The following PTPN14 variants were observed in gnomAD, a reference collection of about 807,000 sequenced individuals.
PTPN14 encodes the protein tyrosine-protein phosphatase non-receptor type 14.
PTPN14 carries 53 observed loss-of-function variants against 126.8 expected under a neutral mutation model. The ratio of observed to expected loss-of-function variants is 0.42; its 90% CI spans 0.34 to 0.53. The LOEUF (loss-of-function observed/expected upper bound fraction) is 0.53, where lower values mean the gene tolerates loss of function less well. PTPN14 is among the 20% of genes least tolerant of loss of function. The pLI is 0.08. For missense variants in PTPN14, 1,257 were observed against 1,552.9 expected, an observed-to-expected ratio of 0.81 and a Z score of 3.20; for synonymous variants, 630 against 599.3, an observed-to-expected ratio of 1.05 and a Z score of -0.75.
intron 1 of PTPN14, among the ~76,000 whole-genome samples, chr1:214,477,597 T>A (rs1660895048): frequency 6.6e-6 from 1 of 152,228 alleles, no homozygotes; most frequent in Admixed American, 6.5e-5. Context: ...CCTGTTACCA[T>A]CGGTGACCTC....
At chr1:214,411,870 T>C (rs1424586681) in intron 4 of PTPN14, 119 bp from the exon 5 acceptor site, 3 of 531,954 alleles carry the variant, frequency 5.6e-6, no homozygotes, top group African/African-American at 4.0e-5. Flanking sequence ...TCACTATTAT[T>C]AAATAAAAAT....
intron 1 of PTPN14, among the ~76,000 whole-genome samples, chr1:214,510,017 TG>T (rs1422641239): frequency 6.6e-6 from 1 of 152,214 alleles, no homozygotes; most frequent in Non-Finnish European, 1.5e-5. Context: ...TGGCTTTCAA[TG>T]TCTCCCTCAC....
At chr1:214,532,873 T>A in intron 1 of PTPN14, 2 of 1,047,570 alleles carry the variant, frequency 1.9e-6, no homozygotes, top group Non-Finnish European at 2.9e-6. Context: ...CAGCTCTGGG[T>A]TGACCATGGA....
intron 1 of PTPN14, among the ~76,000 whole-genome samples, chr1:214,507,495 C>G (rs542016689): frequency 1.3e-5 from 2 of 152,198 alleles, no homozygotes; most frequent in Non-Finnish European, 2.9e-5. Flanking sequence ...CCTAGAAGAA[C>G]ACTTTCAAGA....
rs1660596590 is a variant in PTPN14 at position 214,464,923 on chromosome 1, G to C, written c.-120C>G. ...CTGTGCTCCTCCAGGCAGGGAAAAG[G>C]GTGTCCATGCCCAGTGTGGCCCTCT... On this transcript the variant is annotated 5_prime_UTR_variant, in exon 2 of 19. Coordinates refer to ENST00000366956, the MANE Select transcript of PTPN14 (RefSeq NM_005401.5). The C allele has an allele frequency of 2.4e-6, 3 of 1,272,296 alleles. No individual in the cohort carries two copies. The highest frequency in any genetic ancestry group is 2.5e-5 in the East Asian group (1 of 39,950). The allele number at this position is 1,272,296 out of a possible 1,614,324, so 78.8% of individuals were successfully genotyped here.
chr1:214,483,549 T>A (rs191929215), intron 1 of PTPN14, among the ~76,000 whole-genome samples: 3 of 152,346 alleles, frequency 2.0e-5, no homozygotes, highest in Admixed American at 6.5e-5. Flanking sequence ...ACTCTACTGC[T>A]ATTTTTATAC....
chr1:214,367,437 C>A (rs192437728), intron 17 of PTPN14, among the ~76,000 whole-genome samples: 1 of 152,174 alleles, frequency 6.6e-6, no homozygotes, highest in African/African-American at 2.4e-5. Context: ...AAGTACACAT[C>A]GGAATATTTA....
At chr1:214,434,597 GTTAA>G (rs1156643565) in intron 3 of PTPN14, among the ~76,000 whole-genome samples, 2 of 152,138 alleles carry the variant, frequency 1.3e-5, no homozygotes, top group Non-Finnish European at 2.9e-5. Flanking sequence ...ATATTTTGTG[GTTAA>G]TTTTTAATAT....
chr1:214,380,150 T>G (rs1475547664), intron 13 of PTPN14, among the ~76,000 whole-genome samples: 1 of 152,196 alleles, frequency 6.6e-6, no homozygotes, highest in African/African-American at 2.4e-5. Context: ...TTCTTTTTTT[T>G]TATTTCTGCC....
At chr1:214,524,363 T>G (rs1655337025) in intron 1 of PTPN14, among the ~76,000 whole-genome samples, 1 of 151,810 alleles carries the variant, frequency 6.6e-6, no homozygotes, top group Non-Finnish European at 1.5e-5. Context: ...GCAGTAAAAG[T>G]GAAGAGGGCT....
chr1:214,484,613 T>C (rs1381817242), intron 1 of PTPN14, among the ~76,000 whole-genome samples: 1 of 152,066 alleles, frequency 6.6e-6, no homozygotes, highest in Non-Finnish European at 1.5e-5. Flanking sequence ...AACATATAAA[T>C]ACAGAAGGTA....
At chr1:214,415,608 T>C (rs758282935) in intron 3 of PTPN14, among the ~76,000 whole-genome samples, 3 of 152,222 alleles carry the variant, frequency 2.0e-5, no homozygotes, top group Non-Finnish European at 2.9e-5. Context: ...AGGGAACCCA[T>C]AAGTGAACCA....
intron 2 of PTPN14, among the ~76,000 whole-genome samples, chr1:214,457,521 G>A (rs1660410381): frequency 1.3e-5 from 2 of 152,100 alleles, no homozygotes; most frequent in Admixed American, 1.3e-4. Flanking sequence ...CACTTGTTAA[G>A]TTAAAAGTAG....
At chr1:214,474,009 T>C (rs936683940) in intron 1 of PTPN14, among the ~76,000 whole-genome samples, 1 of 152,214 alleles carries the variant, frequency 6.6e-6, no homozygotes, top group African/African-American at 2.4e-5. Flanking sequence ...CATTTTAAGA[T>C]TCCATTATTT....
chr1:214,544,872 G>A (rs72759634), intron 1 of PTPN14, among the ~76,000 whole-genome samples: 8,876 of 152,060 alleles, frequency 0.058, 345 homozygotes, highest in Middle Eastern at 0.12. Context: ...AAAAAGAGGA[G>A]GGAAGGGGAG....
At position 214,354,905 on chromosome 1, in the gene PTPN14, T is replaced by C. The variant is rs546890575; in HGVS notation, c.*3017A>G. 6.6e-6 allele frequency: 1 copy of C among 152,350 alleles called. No individual in the cohort carries two copies. The highest frequency in any genetic ancestry group is 1.5e-5 in the Non-Finnish European group (1 of 68,022). 9.4% of individuals were successfully genotyped at this position (152,350 alleles called of 1,614,324 possible). On this transcript the variant is annotated 3_prime_UTR_variant, in exon 19 of 19. Transcript: ENST00000366956. ...ACTAGATAACTAATTTAATACACTT[T>C]GCTTCAAGGTTTATTCCTTGGCTTG...
intron 17 of PTPN14, among the ~76,000 whole-genome samples, chr1:214,368,196 T>TTTTTTTTATTTATTTATTTATTTATTTA (rs1553258933): frequency 4.1e-5 from 6 of 146,236 alleles, no homozygotes; most frequent in African/African-American, 1.5e-4. Flanking sequence ...TGTTATTCGT[T>TTTTTTTTATTTATTTATTTATTTATTTA]TTTATTTATT....
intron 1 of PTPN14, among the ~76,000 whole-genome samples, chr1:214,465,898 T>C (rs972185409): frequency 2.0e-5 from 3 of 148,752 alleles, no homozygotes; most frequent in Non-Finnish European, 4.5e-5. Flanking sequence ...ATTATTTACT[T>C]AGAATGAATG....
chr1:214,408,076 C>T (rs1483991871), intron 5 of PTPN14, among the ~76,000 whole-genome samples: 1 of 152,188 alleles, frequency 6.6e-6, no homozygotes, highest in African/African-American at 2.4e-5. Context: ...TTTCAGCCTT[C>T]CCTAATCCCC....
Sources: allele counts gnomAD v4.1 joint callset (sites outside exome capture counted in the v4.1 genomes callset), GRCh38; gene constraint gnomAD v4.1.1; transcripts MANE v1.5; gene names NCBI Gene and HGNC (gene_info 2026-07-23, HGNC 2026-07-21).